The following MAP4K5 variants were observed in gnomAD, a reference collection of about 807,000 sequenced individuals.
MAP4K5 encodes mitogen-activated protein kinase kinase kinase kinase 5, also known as MAPK/ERK kinase kinase kinase 5.
A neutral mutation model predicts 135.6 loss-of-function variants in MAP4K5; 82 were observed. That is an observed-to-expected ratio of 0.60 (90% confidence interval 0.51 to 0.73). The LOEUF (loss-of-function observed/expected upper bound fraction) is 0.73. Among genes scored for constraint, MAP4K5 ranks in the 30% least tolerant of loss-of-function variants. The pLI, the probability that MAP4K5 is intolerant of heterozygous loss-of-function variation, is 0.00. For synonymous variants in MAP4K5, 347 were observed against 335.0 expected (o/e 1.04, Z -0.39); for missense variants, 907 against 1,010.9 (o/e 0.90, Z 1.39).
chr14:50,485,958 C>T (rs1284698381), intron 4 of MAP4K5, 146 bp downstream of exon 4: 12 of 555,794 alleles, frequency 2.2e-5, no homozygotes, highest in East Asian at 6.6e-5. Context: ...AGGGGAAAAC[C>T]GTAGAAATAG....
intron 2 of MAP4K5, among the ~76,000 whole-genome samples, chr14:50,521,484 A>C (rs977911267): frequency 5.9e-5 from 9 of 152,222 alleles, no homozygotes; most frequent in African/African-American, 7.2e-5. Context: ...TACTAACAGT[A>C]AGATTGAGGG....
intron 15 of MAP4K5, among the ~76,000 whole-genome samples, chr14:50,447,990 C>T (rs2036394932): frequency 6.6e-6 from 1 of 151,052 alleles, no homozygotes; most frequent in Non-Finnish European, 1.5e-5. Context: ...TATCTTGCTT[C>T]ATTACTTTTT....
chr14:50,479,009 T>G (rs61476066), intron 6 of MAP4K5, among the ~76,000 whole-genome samples: 2 of 2,946 alleles, frequency 6.8e-4, no homozygotes, highest in South Asian at 0.091. Flanking sequence ...TTTTTCGTTT[T>G]TTTTTTTTTT....
chr14:50,446,272 A>G (rs1256973231), intron 16 of MAP4K5, among the ~76,000 whole-genome samples, 151 bp from the exon 17 acceptor site: 1 of 152,232 alleles, frequency 6.6e-6, no homozygotes, highest in Non-Finnish European at 1.5e-5. Context: ...GGAAGACCTA[A>G]GACCTCACTC....
chr14:50,523,794 A>C (rs969850677), intron 2 of MAP4K5, among the ~76,000 whole-genome samples: 5 of 152,232 alleles, frequency 3.3e-5, no homozygotes, highest in African/African-American at 1.2e-4. Flanking sequence ...ATCACAAGGC[A>C]CCACAACAGT....
chr14:50,485,501 C>A, intron 5 of MAP4K5, 77 bp downstream of exon 5: 2 of 895,416 alleles, frequency 2.2e-6, no homozygotes, highest in South Asian at 1.6e-5. Context: ...TGTTAATTTC[C>A]GTGGTTAACT....
chr14:50,487,600 T>C (rs546192599), intron 3 of MAP4K5, among the ~76,000 whole-genome samples: 2 of 152,202 alleles, frequency 1.3e-5, no homozygotes, highest in African/African-American at 4.8e-5. Context: ...TAAACATAAG[T>C]GTACGAATGG....
intron 26 of MAP4K5, among the ~76,000 whole-genome samples, chr14:50,435,391 G>T (rs2036068232): frequency 1.3e-5 from 2 of 152,054 alleles, no homozygotes; most frequent in African/African-American, 2.4e-5. Context: ...AAGAGACAGG[G>T]TCTTGCTCTG....
chr14:50,448,768 T>G lies in MAP4K5; in HGVS notation c.1074+6A>C. ...TGAAAATAATGCTTTAAAAATGAAT[T>G]CTTACCATTTCATCTCGTGCTTCTG... On this transcript the variant is annotated splice_donor_region_variant and intron_variant, in intron 15 of 32. Transcript: ENST00000682126. The G allele has an allele frequency of 1.3e-6, 2 of 1,535,892 alleles. No individual in the cohort carries two copies. Among genetic ancestry groups the G allele is most frequent in the Non-Finnish European group, 1.8e-6 (2 of 1,132,064 alleles).
chr14:50,495,401 T>TA (rs1203774056), intron 3 of MAP4K5, among the ~76,000 whole-genome samples: 12 of 152,158 alleles, frequency 7.9e-5, no homozygotes, highest in Non-Finnish European at 1.5e-4. Flanking sequence ...TGGCTACAAT[T>TA]AAAAAAAGCA....
chr14:50,460,689 A>G (rs1251352773), intron 13 of MAP4K5, among the ~76,000 whole-genome samples: 4 of 152,222 alleles, frequency 2.6e-5, no homozygotes, highest in African/African-American at 4.8e-5. Context: ...CTGGGTACTC[A>G]TGACATGACA....
Position 50,428,770 on chromosome 14 carries a change from C to G in MAP4K5, c.2234-16G>C. ...TTCACAAATTCTTAAAAAAAAAAAA[C>G]AAGTCAAGACTGGACATGCAAATCT... On this transcript the variant is annotated splice_polypyrimidine_tract_variant and intron_variant, in intron 29 of 32. Coordinates refer to ENST00000682126, the MANE Select transcript of MAP4K5 (RefSeq NM_006575.6). 2 of 1,064,216 alleles carry G rather than the reference C, an allele frequency of 1.9e-6. No individual in the cohort carries two copies. The highest frequency in any genetic ancestry group is 2.8e-5 in the East Asian group (1 of 35,154). 65.9% of individuals were successfully genotyped at this position (1,064,216 alleles called of 1,614,324 possible). A position where few individuals can be genotyped will look rare whatever the true frequency, so the allele number is the denominator to read the frequency against.
intron 32 of MAP4K5, among the ~76,000 whole-genome samples, chr14:50,422,520 T>C (rs532151989): frequency 1.3e-5 from 2 of 151,652 alleles, no homozygotes; most frequent in Non-Finnish European, 2.9e-5. Context: ...GAGGAAGGAA[T>C]GGGTATTTTA....
chr14:50,533,544 C>G (rs559445296), upstream of MAP4K5, among the ~76,000 whole-genome samples: 2 of 152,080 alleles, frequency 1.3e-5, no homozygotes, highest in Non-Finnish European at 2.9e-5. Flanking sequence ...AGTTTCAGTT[C>G]CAGTCTTGCT....
At chr14:50,531,740 G>T (rs372836396) in intron 2 of MAP4K5, among the ~76,000 whole-genome samples, 10 of 152,182 alleles carry the variant, frequency 6.6e-5, no homozygotes, top group Admixed American at 5.2e-4. Context: ...GCAACTGTGT[G>T]GTTAGTTCTG....
intron 6 of MAP4K5, 148 bp from the exon 7 acceptor site, chr14:50,476,454 C>G (rs1305524628): frequency 2.2e-6 from 1 of 465,082 alleles, no homozygotes; most frequent in Non-Finnish European, 3.7e-6. Flanking sequence ...TCAATGTTTA[C>G]TATATTTTAA....
rs146353878 is a variant in MAP4K5 at position 50,496,896 on chromosome 14, T to C, written c.166+7904A>G. Among the ~76,000 whole-genome samples, 122 of 152,170 alleles carry C rather than the reference T, an allele frequency of 8.0e-4. 1 individual carries two copies. In the East Asian group the frequency reaches 0.01, roughly 13 times the overall value. ...AATAAATATGCAGTAACCTAAAAATTTGTATATCATTTAGAGCAAAATTAC... is the reference window on the plus strand; with the variant it reads ...AATAAATATGCAGTAACCTAAAAATCTGTATATCATTTAGAGCAAAATTAC... On this transcript the variant is annotated intron_variant, in intron 3 of 32. Transcript: ENST00000682126.
intron 12 of MAP4K5, among the ~76,000 whole-genome samples, chr14:50,463,720 C>T (rs1306569035): frequency 6.6e-6 from 1 of 151,604 alleles, no homozygotes; most frequent in Admixed American, 6.6e-5. Flanking sequence ...CCTGTCTCTA[C>T]TAAAAATACA....
At chr14:50,424,791 T>C (rs1029259987) in intron 31 of MAP4K5, among the ~76,000 whole-genome samples, 3 of 151,824 alleles carry the variant, frequency 2.0e-5, no homozygotes, top group Non-Finnish European at 4.4e-5. Flanking sequence ...ACAAGGACCT[T>C]CTGTAGATTT....
Sources: allele counts gnomAD v4.1 joint callset (sites outside exome capture counted in the v4.1 genomes callset), GRCh38; gene constraint gnomAD v4.1.1; transcripts MANE v1.5; gene names NCBI Gene and HGNC (gene_info 2026-07-23, HGNC 2026-07-21).